The following SND1 variants were observed in gnomAD, a reference collection of about 807,000 sequenced individuals.
The protein encoded by SND1 is staphylococcal nuclease domain-containing protein 1.
A neutral mutation model predicts 121.7 loss-of-function variants in SND1; 38 were observed. That is an observed-to-expected ratio of 0.31 (90% confidence interval 0.24 to 0.41). The LOEUF (loss-of-function observed/expected upper bound fraction) is 0.41, where lower values mean the gene tolerates loss of function less well. Ranked by LOEUF, SND1 falls within the 10% of genes least tolerant of loss-of-function variation. The pLI is 1.00. For missense variants in SND1, 868 were observed against 1,184.6 expected, an observed-to-expected ratio of 0.73 and a Z score of 3.92; for synonymous variants, 401 against 447.4, an observed-to-expected ratio of 0.90 and a Z score of 1.31.
At chr7:127,833,788 T>G (rs140078121) in intron 11 of SND1, among the ~76,000 whole-genome samples, 329 of 152,350 alleles carry the variant, frequency 2.2e-3, no homozygotes, top group Admixed American at 5.1e-3. Context: ...TTCACATTGT[T>G]GTGCAACCAT....
intron 15 of SND1, among the ~76,000 whole-genome samples, chr7:127,945,096 T>A (rs981415436): frequency 6.6e-6 from 1 of 152,198 alleles, no homozygotes; most frequent in African/African-American, 2.4e-5. Context: ...GAACCCACCA[T>A]AACACTGCCT....
intron 16 of SND1, among the ~76,000 whole-genome samples, chr7:128,031,794 G>A (rs1417232208): frequency 6.9e-6 from 1 of 144,268 alleles, no homozygotes; most frequent in East Asian, 2.0e-4. Context: ...GCCCGCCGCT[G>A]CCCGGCCCCC....
intron 14 of SND1, among the ~76,000 whole-genome samples, chr7:127,906,643 A>G (rs1405080641): frequency 2.0e-5 from 3 of 152,130 alleles, no homozygotes; most frequent in Non-Finnish European, 4.4e-5. Context: ...AACCTTAGGG[A>G]TAGGCTCTCT....
intron 16 of SND1, among the ~76,000 whole-genome samples, chr7:128,022,223 AAAAAG>A (rs1803369032): frequency 6.8e-6 from 1 of 147,990 alleles, no homozygotes; most frequent in Non-Finnish European, 1.5e-5. Context: ...AAAAAAAAAA[AAAAAG>A]AAGGTAGGAG....
intron 10 of SND1, among the ~76,000 whole-genome samples, chr7:127,751,787 C>T (rs970655543): frequency 2.6e-5 from 4 of 152,318 alleles, no homozygotes; most frequent in African/African-American, 9.6e-5. Context: ...TATTGCATTC[C>T]CTGGTTACTC....
chr7:127,688,668 A>C (rs1018319083), intron 2 of SND1, among the ~76,000 whole-genome samples: 1 of 151,786 alleles, frequency 6.6e-6, no homozygotes, highest in East Asian at 1.9e-4. Flanking sequence ...GCTGCAGTGC[A>C]TCATGATTGT....
At chr7:127,922,188 T>TTTTTTG (rs1563058958) in intron 14 of SND1, among the ~76,000 whole-genome samples, 2 of 97,776 alleles carry the variant, frequency 2.0e-5, no homozygotes, top group Non-Finnish European at 4.5e-5. Flanking sequence ...TTTTTTTTTT[T>TTTTTTG]TTTTTTTTTT....
intron 10 of SND1, among the ~76,000 whole-genome samples, chr7:127,770,104 G>A (rs189799612): frequency 6.6e-6 from 1 of 152,330 alleles, no homozygotes; most frequent in East Asian, 1.9e-4. Context: ...GTGGCAGGCA[G>A]TGGATACCAG....
chr7:127,696,953 C>T (rs184430277), intron 3 of SND1, among the ~76,000 whole-genome samples: 3 of 152,296 alleles, frequency 2.0e-5, no homozygotes, highest in Admixed American at 2.0e-4. Context: ...TTAATATTTT[C>T]ACTAAGGTAT....
intron 10 of SND1, among the ~76,000 whole-genome samples, chr7:127,722,935 C>G (rs1344365124): frequency 6.6e-6 from 1 of 152,210 alleles, no homozygotes; most frequent in Non-Finnish European, 1.5e-5. Context: ...AGCTCTGCCT[C>G]ATTGCACAGA....
At chr7:127,705,779 CAGT>C (rs1796181843) in intron 8 of SND1, among the ~76,000 whole-genome samples, 1 of 152,182 alleles carries the variant, frequency 6.6e-6, no homozygotes, top group Admixed American at 6.5e-5. Flanking sequence ...CAGCTGATGA[CAGT>C]AGTCCACTCT....
At chr7:128,032,630 C>G (rs946306965) in intron 16 of SND1, among the ~76,000 whole-genome samples, 1 of 152,048 alleles carries the variant, frequency 6.6e-6, no homozygotes, top group Non-Finnish European at 1.5e-5. Flanking sequence ...TGGCCTGCCT[C>G]TCGCCCGGCC....
intron 16 of SND1, among the ~76,000 whole-genome samples, chr7:128,005,250 A>C (rs1802933643): frequency 6.6e-6 from 1 of 152,214 alleles, no homozygotes; most frequent in Non-Finnish European, 1.5e-5. Flanking sequence ...TGTGAGGTGC[A>C]GAGGGGCCCT....
chr7:127,878,660 C>T lies in SND1; in HGVS notation c.1344-9242C>T, dbSNP rs1031475435. Among the ~76,000 whole-genome samples, 4 of 152,000 alleles carry T rather than the reference C, an allele frequency of 2.6e-5. No individual in the cohort carries two copies. In the South Asian group the frequency reaches 6.3e-4, roughly 24 times the overall value. On this transcript the variant is annotated intron_variant, in intron 12 of 23. Coordinates refer to ENST00000354725, the MANE Select transcript of SND1 (RefSeq NM_014390.4). ...AAAGTCTGTAGCCACTGTTTTGATC[C>T]TCTGGTGGTTTTCTTGGTGGCAGGA...
chr7:127,679,756 A>G (rs1469384054), intron 1 of SND1, among the ~76,000 whole-genome samples: 5 of 152,204 alleles, frequency 3.3e-5, no homozygotes, highest in African/African-American at 7.2e-5. Context: ...TGTAACATCA[A>G]TCAGTACGCA....
At chr7:127,936,296 T>G (rs1181823999) in intron 15 of SND1, among the ~76,000 whole-genome samples, 1 of 152,170 alleles carries the variant, frequency 6.6e-6, no homozygotes, top group African/African-American at 2.4e-5. Context: ...TTGTCCATAG[T>G]TAGCAAGGAA....
intron 2 of SND1, 31 bp from the exon 3 acceptor site, chr7:127,694,797 T>G (rs1163401500): frequency 1.2e-6 from 2 of 1,612,044 alleles, no homozygotes; most frequent in East Asian, 4.5e-5. Flanking sequence ...ACTAGGCAGT[T>G]CTCATGTGAC....
At chr7:127,912,341 CTTT>C (rs1006023365) in intron 14 of SND1, among the ~76,000 whole-genome samples, 3 of 152,194 alleles carry the variant, frequency 2.0e-5, no homozygotes, top group Non-Finnish European at 2.9e-5. Context: ...TCTTAGTCCA[CTTT>C]TTGACTGAGT....
chr7:127,853,916 A>G (rs1185954586), intron 12 of SND1, among the ~76,000 whole-genome samples: 22 of 152,140 alleles, frequency 1.4e-4, no homozygotes, highest in Admixed American at 1.4e-3. Context: ...AATTACTCCG[A>G]TGATGACCCT....
Sources: allele counts gnomAD v4.1 joint callset (sites outside exome capture counted in the v4.1 genomes callset), GRCh38; gene constraint gnomAD v4.1.1; transcripts MANE v1.5; gene names NCBI Gene and HGNC (gene_info 2026-07-23, HGNC 2026-07-21).